Variants in MORC3 observed in about 807,000 individuals in gnomAD.
MORC3 encodes MORC family CW-type zinc finger 3, also known as MORC family CW-type zinc finger protein 3.
In MORC3, 31 loss-of-function variants were observed where a neutral mutation model predicts 109.1. The observed-to-expected ratio is 0.28, with a 90% CI of 0.21 to 0.38. The LOEUF (loss-of-function observed/expected upper bound fraction) is 0.38, where lower values mean the gene tolerates loss of function less well. Among genes scored for constraint, MORC3 ranks in the 10% least tolerant of loss-of-function variants. The pLI is 1.00. For missense variants in MORC3, 867 were observed against 1,135.8 expected (o/e 0.76, Z 3.40); for synonymous variants, 395 against 380.7 (o/e 1.04, Z -0.44).
intron 1 of MORC3, among the ~76,000 whole-genome samples, chr21:36,327,521 C>T (rs995340017): frequency 6.6e-6 from 1 of 151,146 alleles, no homozygotes; most frequent in African/African-American, 2.5e-5. Context: ...GTGAACTGAA[C>T]AGAGGAGGCT....
intron 16 of MORC3, 32 bp from the exon 17 acceptor site, chr21:36,375,111 T>C (rs773109303): frequency 1.3e-6 from 2 of 1,582,136 alleles, no homozygotes; most frequent in Non-Finnish European, 1.7e-6. Flanking sequence ...CTTGTAATGC[T>C]CATCTAATAA....
chr21:36,340,697 C>T (rs916998015), intron 5 of MORC3, among the ~76,000 whole-genome samples: 1 of 141,214 alleles, frequency 7.1e-6, no homozygotes, highest in Non-Finnish European at 1.5e-5. Context: ...TGAAGTATAG[C>T]GCCATCTCGG....
chr21:36,340,638 C>CTTTTTT (rs34899654), intron 5 of MORC3, among the ~76,000 whole-genome samples: 3 of 123,670 alleles, frequency 2.4e-5, no homozygotes, highest in Non-Finnish European at 5.0e-5. Context: ...TTCTTTCTTT[C>CTTTTTT]TTTTTTTTTT....
intron 4 of MORC3, 112 bp from the exon 5 acceptor site, chr21:36,338,662 T>G (rs2085401131): frequency 9.2e-7 from 1 of 1,082,622 alleles, no homozygotes; most frequent in Non-Finnish European, 1.3e-6. Flanking sequence ...AAAAAAAACC[T>G]TAGAAAATTA....
chr21:36,334,937 C>G (rs538533022), intron 2 of MORC3, among the ~76,000 whole-genome samples: 1 of 152,078 alleles, frequency 6.6e-6, no homozygotes, highest in South Asian at 2.1e-4. Flanking sequence ...TGGGGCCCAC[C>G]CTGAGAAACA....
intron 8 of MORC3, among the ~76,000 whole-genome samples, chr21:36,345,352 G>A (rs182955414): frequency 7.2e-5 from 11 of 152,048 alleles, no homozygotes; most frequent in Admixed American, 7.2e-4. Flanking sequence ...CTGGGTTCAA[G>A]TGATTCTGCT....
chr21:36,325,044 G>A (rs76681602), intron 1 of MORC3, among the ~76,000 whole-genome samples: 3,669 of 152,230 alleles, frequency 0.024, 64 homozygotes, highest in Admixed American at 0.045. Context: ...ACTTAAAGCT[G>A]ACTGCAAAAT....
intron 8 of MORC3, among the ~76,000 whole-genome samples, chr21:36,345,270 C>G (rs759015813): frequency 7.0e-6 from 1 of 142,866 alleles, no homozygotes; most frequent in African/African-American, 2.5e-5. Flanking sequence ...TTTTTTGAGA[C>G]GGAGTCTGAG....
intron 2 of MORC3, among the ~76,000 whole-genome samples, chr21:36,335,507 G>C (rs1659897214): frequency 6.6e-6 from 1 of 151,856 alleles, no homozygotes. Flanking sequence ...GTAGAGACAG[G>C]GTTTCACCAT....
intron 6 of MORC3, 146 bp downstream of exon 6, chr21:36,341,692 C>G: frequency 9.2e-7 from 1 of 1,089,636 alleles, no homozygotes; most frequent in Non-Finnish European, 1.3e-6. Flanking sequence ...CTGGCCCACT[C>G]AGCCTGGGCA....
Position 36,330,929 on chromosome 21 carries a change from A to G in MORC3, c.40-2717A>G, listed in dbSNP as rs533699791. ...GTTACCTATACTCCATATTTCACGG[A>G]TGTATGCTGTATTATGTGATGTCTG... On this transcript the variant is annotated intron_variant, in intron 1 of 16. Coordinates refer to ENST00000400485, the MANE Select transcript of MORC3 (RefSeq NM_015358.3). Among the ~76,000 whole-genome samples the G allele has an allele frequency of 5.3e-4, 80 of 152,324 alleles. 1 individual carries two copies. Among genetic ancestry groups the G allele is most frequent in the African/African-American group, 1.8e-3 (76 of 41,574 alleles).
chr21:36,336,683 A>G (rs1318251627), intron 2 of MORC3, among the ~76,000 whole-genome samples, 191 bp from the exon 3 acceptor site: 2 of 152,198 alleles, frequency 1.3e-5, no homozygotes, highest in East Asian at 3.8e-4. Context: ...ATATACCAGG[A>G]TGCAGTTTAT....
At chr21:36,328,991 A>G (rs144602939) in intron 1 of MORC3, among the ~76,000 whole-genome samples, 2,337 of 152,024 alleles carry the variant, frequency 0.015, 34 homozygotes, top group Non-Finnish European at 0.024. Context: ...AAACTTCATA[A>G]CGTTTTAAGA....
intron 14 of MORC3, among the ~76,000 whole-genome samples, chr21:36,366,198 A>G (rs551855998): frequency 6.6e-6 from 1 of 151,498 alleles, no homozygotes; most frequent in African/African-American, 2.4e-5. Context: ...CTCTCTCCCC[A>G]CTGTAGTGGT....
intron 13 of MORC3, among the ~76,000 whole-genome samples, chr21:36,363,609 G>A (rs1294733920): frequency 2.0e-5 from 3 of 152,278 alleles, no homozygotes; most frequent in African/African-American, 7.2e-5. Context: ...AATACTGAAA[G>A]TGAAAAACAA....
At chr21:36,341,033 A>G (rs953669636) in intron 5 of MORC3, among the ~76,000 whole-genome samples, 1 of 152,226 alleles carries the variant, frequency 6.6e-6, no homozygotes, top group Non-Finnish European at 1.5e-5. Flanking sequence ...GTTTTGGGAT[A>G]TTACAAATAA....
At chr21:36,349,622 A>C (rs866478953) in intron 9 of MORC3, among the ~76,000 whole-genome samples, 1 of 152,260 alleles carries the variant, frequency 6.6e-6, no homozygotes, top group South Asian at 2.1e-4. Context: ...ATTTTCTTAA[A>C]GTTCGATAAT....
intron 14 of MORC3, among the ~76,000 whole-genome samples, chr21:36,367,773 CAG>C (rs1464328768): frequency 2.0e-5 from 3 of 152,062 alleles, no homozygotes; most frequent in Non-Finnish European, 2.9e-5. Flanking sequence ...CAGAAAGAAA[CAG>C]ATTATGTACG....
At chr21:36,334,868 C>T (rs566973285) in intron 2 of MORC3, among the ~76,000 whole-genome samples, 2 of 152,280 alleles carry the variant, frequency 1.3e-5, no homozygotes, top group South Asian at 2.1e-4. Flanking sequence ...CAGTTGTTCA[C>T]ACCTGTAATC....
Sources: allele counts gnomAD v4.1 joint callset (sites outside exome capture counted in the v4.1 genomes callset), GRCh38; gene constraint gnomAD v4.1.1; transcripts MANE v1.5; gene names NCBI Gene and HGNC (gene_info 2026-07-23, HGNC 2026-07-21).